Variants in MAML3 observed in about 807,000 individuals in gnomAD.
The protein encoded by MAML3 is mastermind-like protein 3.
A neutral mutation model predicts 101.9 loss-of-function variants in MAML3; 27 were observed. That is an observed-to-expected ratio of 0.27 (90% CI 0.20 to 0.37). MAML3 has a LOEUF of 0.37. Among genes scored for constraint, MAML3 ranks in the 10% least tolerant of loss-of-function variants. The pLI, the probability that MAML3 is intolerant of heterozygous loss-of-function variation, is 1.00. For synonymous variants in MAML3, 501 were observed against 555.9 expected (o/e 0.90, Z 1.39); for missense variants, 1,316 against 1,444.9 (o/e 0.91, Z 1.45).
intron 1 of MAML3, among the ~76,000 whole-genome samples, chr4:139,941,527 T>G (rs1406323554): frequency 4.4e-5 from 3 of 68,766 alleles, no homozygotes; most frequent in Admixed American, 3.1e-4. Flanking sequence ...CCCTAATGTG[T>G]TGTTGTTGTT....
rs528606477 is a variant in MAML3 at position 140,104,266 on chromosome 4, G to A, written c.468+48594C>T. On this transcript the variant is annotated intron_variant, in intron 1 of 4. Transcript: ENST00000509479. ...CCAGGCATGGTGGCACATACCTATG[G>A]TCCCAATATGCAGGAGGCTGAGGCA... is the stretch of plus-strand genomic sequence containing the variant. Among the ~76,000 whole-genome samples, 119 of 144,472 alleles carry A rather than the reference G, an allele frequency of 8.2e-4. 3 individuals are homozygous for A. The highest frequency in any genetic ancestry group is 2.7e-3 in the Admixed American group (38 of 14,266). The allele number at this position is 144,472 out of a possible 152,430, so 94.8% of individuals were successfully genotyped here. A position where few individuals can be genotyped will look rare whatever the true frequency, so the allele number is the denominator to read the frequency against.
intron 2 of MAML3, among the ~76,000 whole-genome samples, chr4:139,753,370 A>G (rs1483601989): frequency 6.6e-6 from 1 of 151,220 alleles, no homozygotes; most frequent in Admixed American, 6.6e-5. Context: ...CTATCTATCT[A>G]TCTATCTATC....
chr4:139,992,341 T>A (rs771055598), intron 1 of MAML3, among the ~76,000 whole-genome samples: 4 of 152,208 alleles, frequency 2.6e-5, no homozygotes, highest in Non-Finnish European at 5.9e-5. Context: ...TTCTCCTGGA[T>A]AGATTCCTTA....
At position 140,057,647 on chromosome 4, in the gene MAML3, C is replaced by T. The variant is rs574814351; in HGVS notation, c.468+95213G>A. Among the ~76,000 whole-genome samples the T allele has an allele frequency of 4.1e-4, 62 of 152,142 alleles. No homozygotes were observed. In the South Asian group the frequency reaches 0.011, roughly 27 times the overall value. ...TCTTGATGGTTTATTATGAGATCAT[C>T]GTTATGAATATTAGTAGTAATAATG... is the stretch of plus-strand genomic sequence containing the variant. On this transcript the variant is annotated intron_variant, in intron 1 of 4. Transcript: ENST00000509479.
At chr4:140,049,513 G>A (rs1027827338) in intron 1 of MAML3, among the ~76,000 whole-genome samples, 7 of 152,178 alleles carry the variant, frequency 4.6e-5, no homozygotes, top group Non-Finnish European at 1.0e-4. Context: ...GAGGAGGGGG[G>A]AAGAGAGAGC....
intron 2 of MAML3, among the ~76,000 whole-genome samples, chr4:139,803,180 T>C (rs1730640055): frequency 6.6e-6 from 1 of 152,130 alleles, no homozygotes; most frequent in East Asian, 1.9e-4. Flanking sequence ...TGCTTGAGCC[T>C]GAGAGGCAGA....
At chr4:139,988,326 C>CAAAAA (rs764018702) in intron 1 of MAML3, among the ~76,000 whole-genome samples, 33 of 81,852 alleles carry the variant, frequency 4.0e-4, no homozygotes, top group African/African-American at 9.8e-4. Flanking sequence ...GACTCCGTCT[C>CAAAAA]AAAAAAAAAA....
At chr4:140,104,991 T>C (rs79481476) in intron 1 of MAML3, among the ~76,000 whole-genome samples, 3,718 of 152,194 alleles carry the variant, frequency 0.024, 136 homozygotes, top group African/African-American at 0.084. Flanking sequence ...ACTTTCTGAG[T>C]GGGCACAGAG....
chr4:139,989,872 CACACACACACAGAGAG>C (rs1284668165), intron 1 of MAML3, among the ~76,000 whole-genome samples: 6 of 94,596 alleles, frequency 6.3e-5, no homozygotes, highest in African/African-American at 2.0e-4. Flanking sequence ...CACACACACA[CACACACACACAGAGAG>C]AGAGAGAGAG....
chr4:139,796,190 T>A (rs902426652), intron 2 of MAML3, among the ~76,000 whole-genome samples: 3 of 152,214 alleles, frequency 2.0e-5, no homozygotes, highest in African/African-American at 7.2e-5. Flanking sequence ...CTTTATAATC[T>A]CTGGCTTACA....
chr4:140,076,701 C>G (rs1195285462), intron 1 of MAML3, among the ~76,000 whole-genome samples: 2 of 152,170 alleles, frequency 1.3e-5, no homozygotes, highest in Admixed American at 6.5e-5. Flanking sequence ...CCATCTTTCC[C>G]TGAAACCTGT....
intron 1 of MAML3, among the ~76,000 whole-genome samples, chr4:139,936,352 A>T (rs1326349256): frequency 6.6e-6 from 1 of 152,200 alleles, no homozygotes; most frequent in Admixed American, 6.5e-5. Flanking sequence ...TGCAGTTAAC[A>T]CAGGAGTGCA....
chr4:139,829,557 A>C (rs1430242014), intron 2 of MAML3, among the ~76,000 whole-genome samples: 2 of 152,244 alleles, frequency 1.3e-5, no homozygotes, highest in Non-Finnish European at 2.9e-5. Flanking sequence ...GCAACTCCAC[A>C]GTAATTCTGC....
At chr4:140,107,671 A>T (rs1172613536) in intron 1 of MAML3, among the ~76,000 whole-genome samples, 2 of 151,584 alleles carry the variant, frequency 1.3e-5, no homozygotes, top group Non-Finnish European at 2.9e-5. Context: ...CACATGGCTA[A>T]TTTTTGTATT....
At chr4:139,993,167 C>G (rs542558707) in intron 1 of MAML3, among the ~76,000 whole-genome samples, 9 of 151,988 alleles carry the variant, frequency 5.9e-5, no homozygotes, top group Admixed American at 5.9e-4. Context: ...GCCTGGCCAA[C>G]AGGATGAAAC....
chr4:140,044,949 A>G (rs1727155307), intron 1 of MAML3, among the ~76,000 whole-genome samples: 1 of 152,232 alleles, frequency 6.6e-6, no homozygotes, highest in Non-Finnish European at 1.5e-5. Flanking sequence ...TATGTGCAAC[A>G]AAAGTCATGC....
intron 1 of MAML3, among the ~76,000 whole-genome samples, chr4:140,011,900 T>C (rs1726570335): frequency 1.3e-5 from 2 of 152,144 alleles, no homozygotes; most frequent in Non-Finnish European, 1.5e-5. Flanking sequence ...GAGGAAAAAC[T>C]TTTTTATGGA....
intron 1 of MAML3, among the ~76,000 whole-genome samples, chr4:140,060,387 T>TAAAAAAAAAAAAAAA (rs1553971712): frequency 6.0e-5 from 1 of 16,806 alleles, no homozygotes; most frequent in East Asian, 1.9e-3. Context: ...AAAAAAAAAG[T>TAAAAAAAAAAAAAAA]CACAAGCCTG....
chr4:140,006,940 T>A (rs1346890297), intron 1 of MAML3, among the ~76,000 whole-genome samples: 1 of 152,176 alleles, frequency 6.6e-6, no homozygotes, highest in South Asian at 2.1e-4. Context: ...TACAAATGAA[T>A]ATAAACTTGG....
Sources: allele counts gnomAD v4.1 joint callset (sites outside exome capture counted in the v4.1 genomes callset), GRCh38; gene constraint gnomAD v4.1.1; transcripts MANE v1.5; gene names NCBI Gene and HGNC (gene_info 2026-07-23, HGNC 2026-07-21).